The following CTNNA3 variants were observed in gnomAD, a reference collection of about 807,000 sequenced individuals.
CTNNA3 encodes catenin alpha 3.
In CTNNA3, 76 loss-of-function variants were observed where a neutral mutation model predicts 95.7. That is an observed-to-expected ratio of 0.79 (90% confidence interval 0.66 to 0.96). The LOEUF (loss-of-function observed/expected upper bound fraction) is 0.96, where lower values mean the gene tolerates loss of function less well. Ranked by LOEUF, CTNNA3 falls within the 40% of genes least tolerant of loss-of-function variation. The pLI, the probability that CTNNA3 is intolerant of heterozygous loss-of-function variation, is 0.00. For synonymous variants in CTNNA3, 431 were observed against 374.4 expected (o/e 1.15, Z -1.74); for missense variants, 1,191 against 1,089.8 (o/e 1.09, Z -1.31).
intron 5 of CTNNA3, among the ~76,000 whole-genome samples, chr10:67,430,583 A>G (rs1385318738): frequency 6.6e-6 from 1 of 151,880 alleles, no homozygotes; most frequent in African/African-American, 2.4e-5. Flanking sequence ...AGATAATAGG[A>G]AAATGGTTAT....
chr10:66,262,772 A>G (rs910017732), intron 13 of CTNNA3, among the ~76,000 whole-genome samples: 12 of 152,018 alleles, frequency 7.9e-5, no homozygotes, highest in African/African-American at 2.9e-4. Flanking sequence ...TGGTATAACA[A>G]GAGTGTATTA....
At chr10:67,011,362 C>A (rs1018267502) in intron 7 of CTNNA3, among the ~76,000 whole-genome samples, 2 of 150,950 alleles carry the variant, frequency 1.3e-5, no homozygotes, top group African/African-American at 4.9e-5. Flanking sequence ...AAAAAGCTAG[C>A]CTGTTCTGTT....
At chr10:67,343,593 A>T (rs1842299626) in intron 5 of CTNNA3, among the ~76,000 whole-genome samples, 1 of 152,050 alleles carries the variant, frequency 6.6e-6, no homozygotes, top group Admixed American at 6.6e-5. Context: ...TGATTTTTGT[A>T]TGTTGATTTT....
chr10:67,465,683 G>A (rs1336412246), intron 5 of CTNNA3, among the ~76,000 whole-genome samples: 2 of 152,120 alleles, frequency 1.3e-5, no homozygotes, highest in African/African-American at 4.8e-5. Flanking sequence ...GCACCCAGGG[G>A]AGAGAACTAC....
At chr10:66,343,234 A>G (rs2092471527) in intron 12 of CTNNA3, among the ~76,000 whole-genome samples, 1 of 152,108 alleles carries the variant, frequency 6.6e-6, no homozygotes, top group East Asian at 1.9e-4. Context: ...TAATTTATCC[A>G]AAAGAAATTA....
At chr10:66,058,298 C>T (rs2080124774) in intron 15 of CTNNA3, among the ~76,000 whole-genome samples, 1 of 152,080 alleles carries the variant, frequency 6.6e-6, no homozygotes, top group African/African-American at 2.4e-5. Context: ...ATTTTCTATT[C>T]CATCTCTCAG....
At chr10:67,438,236 TCAA>T (rs1846373026) in intron 5 of CTNNA3, among the ~76,000 whole-genome samples, 1 of 152,080 alleles carries the variant, frequency 6.6e-6, no homozygotes, top group Non-Finnish European at 1.5e-5. Context: ...AAATTGTATG[TCAA>T]CATACAAGAG....
At chr10:66,341,053 A>C (rs892565707) in intron 12 of CTNNA3, among the ~76,000 whole-genome samples, 6 of 151,902 alleles carry the variant, frequency 3.9e-5, no homozygotes, top group African/African-American at 1.4e-4. Flanking sequence ...GATACAGATT[A>C]AGTGCCATGA....
Position 66,178,430 on chromosome 10 carries a change from T to TAC in CTNNA3, c.1885-75182_1885-75181insGT, listed in dbSNP as rs1160598463. Among the ~76,000 whole-genome samples the TAC allele has an allele frequency of 9.1e-5, 8 of 87,464 alleles. No individual in the cohort carries two copies. The South Asian group carries it at 1.0e-3, about 11-fold the overall frequency. 57.4% of individuals were successfully genotyped at this position (87,464 alleles called of 152,430 possible). ...ATATATATATATATATATATATATA[T>TAC]ATATATATATATACACACACAGATA... On this transcript the variant is annotated intron_variant, in intron 13 of 17. Transcript: ENST00000433211.
intron 13 of CTNNA3, among the ~76,000 whole-genome samples, chr10:66,116,294 G>T (rs973197440): frequency 6.6e-6 from 1 of 151,824 alleles, no homozygotes; most frequent in African/African-American, 2.4e-5. Flanking sequence ...GTGGAGAATT[G>T]TTTTTTTTAA....
intron 13 of CTNNA3, among the ~76,000 whole-genome samples, chr10:66,257,855 A>T (rs551504628): frequency 6.6e-6 from 1 of 152,136 alleles, no homozygotes; most frequent in Non-Finnish European, 1.5e-5. Flanking sequence ...GATTCATCCT[A>T]TTGTCCCAAA....
intron 1 of CTNNA3, among the ~76,000 whole-genome samples, chr10:67,716,595 G>T (rs1401507335): frequency 1.3e-5 from 2 of 152,078 alleles, no homozygotes; most frequent in Non-Finnish European, 2.9e-5. Flanking sequence ...TCCTGTGTTA[G>T]TTTGCTGACA....
At chr10:67,488,561 G>C (rs1313380599) in intron 5 of CTNNA3, among the ~76,000 whole-genome samples, 1 of 151,976 alleles carries the variant, frequency 6.6e-6, no homozygotes, top group Non-Finnish European at 1.5e-5. Context: ...AGTAGAGATG[G>C]GGTTTCATCA....
chr10:66,757,352 C>T (rs1839404097), intron 9 of CTNNA3, among the ~76,000 whole-genome samples: 1 of 152,100 alleles, frequency 6.6e-6, no homozygotes. Context: ...CTATTAGGAA[C>T]TCAATAGCCT....
At chr10:66,621,654 T>C (rs369289334) in intron 10 of CTNNA3, 38 bp downstream of exon 10, 4 of 1,215,922 alleles carry the variant, frequency 3.3e-6, no homozygotes, top group African/African-American at 3.1e-5. Context: ...AGGAATTATA[T>C]ATAATTTTAC....
upstream of CTNNA3, among the ~76,000 whole-genome samples, chr10:67,697,004 T>A (rs1840977709): frequency 6.6e-6 from 1 of 152,212 alleles, no homozygotes; most frequent in African/African-American, 2.4e-5. Flanking sequence ...AAGGCTGAAT[T>A]CAAAATAAAA....
intron 10 of CTNNA3, among the ~76,000 whole-genome samples, chr10:66,618,483 G>T (rs948013215): frequency 6.6e-6 from 1 of 152,100 alleles, no homozygotes; most frequent in Non-Finnish European, 1.5e-5. Flanking sequence ...TTAATAAATG[G>T]TGCTGGGAAA....
chr10:67,695,218 A>G (rs1424444329), intron 1 of CTNNA3, among the ~76,000 whole-genome samples: 1 of 152,246 alleles, frequency 6.6e-6, no homozygotes, highest in Non-Finnish European at 1.5e-5. Context: ...CGTTATCTCC[A>G]GAGATCTTAG....
chr10:67,657,863 A>T (rs1840069999), intron 1 of CTNNA3, among the ~76,000 whole-genome samples: 1 of 148,372 alleles, frequency 6.7e-6, no homozygotes. Context: ...AAAAAAAAAA[A>T]AAAAAAGACA....
Sources: gnomAD v4.1 joint callset for allele counts (sites outside exome capture counted in the v4.1 genomes callset) on GRCh38, gnomAD v4.1.1 for gene constraint, MANE v1.5 for transcripts, NCBI Gene and HGNC (gene_info 2026-07-23, HGNC 2026-07-21) for gene names.